TMEM272: variants seen among roughly 807,000 people sequenced by gnomAD.
TMEM272 encodes transmembrane protein 272, also known as long intergenic non-protein coding RNA 282.
In TMEM272, 8 loss-of-function variants were observed where a neutral mutation model predicts 3.7. The ratio of observed to expected loss-of-function variants is 2.17; its 90% CI spans 1.27 to 3.91. The LOEUF (loss-of-function observed/expected upper bound fraction) is 3.91, where lower values mean the gene tolerates loss of function less well. TMEM272 is among the 30% of genes most tolerant of loss of function. The probability of loss-of-function intolerance (pLI) is 0.00; values close to 1 mark genes in which losing one functional copy is unlikely to be tolerated. For synonymous variants in TMEM272, 63 were observed against 39.8 expected, an observed-to-expected ratio of 1.58 and a Z score of -2.20; for missense variants, 166 against 91.5, an observed-to-expected ratio of 1.81 and a Z score of -3.32.
chr13:51,830,414 C>T (rs560961719), intron 2 of TMEM272, among the ~76,000 whole-genome samples: 5 of 152,210 alleles, frequency 3.3e-5, no homozygotes, highest in East Asian at 1.9e-4. Flanking sequence ...CAGCCCACTC[C>T]GCTCCTCATT....
chr13:51,892,390 T>C, the TMEM272 span, among the ~76,000 whole-genome samples: 1 of 152,218 alleles, frequency 6.6e-6, no homozygotes, highest in East Asian at 1.9e-4. Flanking sequence ...CAGACTTGTG[T>C]GGCAGAAAAA....
chr13:51,927,104 T>C, the TMEM272 span, among the ~76,000 whole-genome samples: 2 of 152,122 alleles, frequency 1.3e-5, no homozygotes. Context: ...CCAGAAGTAA[T>C]ACATGTTAAC....
the TMEM272 span, among the ~76,000 whole-genome samples, chr13:51,901,683 CT>C: frequency 6.6e-6 from 1 of 152,142 alleles, no homozygotes; most frequent in South Asian, 2.1e-4. Flanking sequence ...TTACAAAGCT[CT>C]GTGACAGTGG....
At chr13:51,910,102 G>A in the TMEM272 span, 2 of 1,074,322 alleles carry the variant, frequency 1.9e-6, no homozygotes, top group Non-Finnish European at 1.4e-6. Context: ...TCTAGAGACT[G>A]TATCTTTTTG....
chr13:51,828,381 C>T (rs1488930138), intron 2 of TMEM272, among the ~76,000 whole-genome samples: 1 of 152,172 alleles, frequency 6.6e-6, no homozygotes, highest in Non-Finnish European at 1.5e-5. Flanking sequence ...CCACCAAACG[C>T]CAGCTCTGAT....
chr13:51,867,912 G>C, the TMEM272 span, among the ~76,000 whole-genome samples: 1 of 152,228 alleles, frequency 6.6e-6, no homozygotes, highest in South Asian at 2.1e-4. Flanking sequence ...GCAGAGAAAA[G>C]CTGCAGATTC....
chr13:51,884,876 T>G, the TMEM272 span, among the ~76,000 whole-genome samples: 1 of 152,188 alleles, frequency 6.6e-6, no homozygotes, highest in Non-Finnish European at 1.5e-5. Flanking sequence ...ATGATTAAAC[T>G]CTCCAAGTCT....
At chr13:51,909,263 A>T in the TMEM272 span, 1 of 1,068,418 alleles carries the variant, frequency 9.4e-7, no homozygotes. Flanking sequence ...CTTTTTTCTC[A>T]TGGTATATAA....
the TMEM272 span, among the ~76,000 whole-genome samples, chr13:51,865,086 C>T: frequency 6.6e-6 from 1 of 152,232 alleles, no homozygotes; most frequent in Non-Finnish European, 1.5e-5. Flanking sequence ...CCCTAGTTGA[C>T]AGCCACTGTC....
the TMEM272 span, among the ~76,000 whole-genome samples, chr13:51,858,075 C>T: frequency 3.3e-5 from 5 of 152,112 alleles, no homozygotes; most frequent in Admixed American, 6.5e-5. Context: ...GTAAAATATG[C>T]ATGTATCTAA....
rs143378187 is a variant in TMEM272, at chr13:51,844,052, T to TC, written c.-24+963dup. Reference sequence around the variant, plus strand: ...AAACATCCTCCAAGGAGCAGGGCAGTCCCCAACAACACTTATCTGCTCCAA... The same window carrying TC: ...AAACATCCTCCAAGGAGCAGGGCAGTCCCCCAACAACACTTATCTGCTCCAA... On this transcript the variant is annotated intron_variant, in intron 1 of 4. Coordinates refer to ENST00000629372, the MANE Select transcript of TMEM272 (RefSeq NM_001351003.2). Among the ~76,000 whole-genome samples the TC allele has an allele frequency of 7.1e-3, 1,074 of 152,244 alleles. 20 individuals are homozygous for TC. The highest frequency in any genetic ancestry group is 0.024 in the African/African-American group (1,011 of 41,544).
the TMEM272 span, among the ~76,000 whole-genome samples, chr13:51,924,632 C>T: frequency 6.6e-6 from 1 of 152,152 alleles, no homozygotes; most frequent in Non-Finnish European, 1.5e-5. Flanking sequence ...GAAGAGAGCA[C>T]TGCTGGCTGT....
At chr13:51,856,092 G>A in the TMEM272 span, among the ~76,000 whole-genome samples, 10 of 152,224 alleles carry the variant, frequency 6.6e-5, no homozygotes, top group Admixed American at 5.9e-4. Flanking sequence ...TTGGTGGGCA[G>A]GGGACTTCTG....
At chr13:51,864,650 CCTTGAACACA>C in the TMEM272 span, among the ~76,000 whole-genome samples, 5 of 152,196 alleles carry the variant, frequency 3.3e-5, no homozygotes, top group African/African-American at 1.2e-4. Flanking sequence ...GAACAAAGCT[CCTTGAACACA>C]CTTGTACATG....
chr13:51,860,469 T>A, the TMEM272 span, among the ~76,000 whole-genome samples: 1 of 151,574 alleles, frequency 6.6e-6, no homozygotes, highest in Non-Finnish European at 1.5e-5. Flanking sequence ...AGAAACCTTA[T>A]CTCTAAAAAA....
the TMEM272 span, among the ~76,000 whole-genome samples, chr13:51,898,204 G>T: frequency 6.8e-6 from 1 of 146,314 alleles, no homozygotes; most frequent in Non-Finnish European, 1.5e-5. Context: ...GTAACAGAGC[G>T]AGACTCCATC....
chr13:51,869,965 A>C, the TMEM272 span, among the ~76,000 whole-genome samples: 1 of 152,226 alleles, frequency 6.6e-6, no homozygotes, highest in East Asian at 1.9e-4. Flanking sequence ...GGGACGGAGA[A>C]GCAGGATAGT....
At chr13:51,866,264 C>G in the TMEM272 span, 2 of 578,550 alleles carry the variant, frequency 3.5e-6, no homozygotes, top group Non-Finnish European at 6.0e-6. Context: ...GCATTTTTTC[C>G]AGGTTTTGTG....
the TMEM272 span, among the ~76,000 whole-genome samples, chr13:51,869,552 C>T: frequency 3.8e-4 from 58 of 151,210 alleles, 2 homozygotes; most frequent in South Asian, 4.2e-3. Context: ...TGCAGTGGCA[C>T]GATCTCGGCT....
Sources: gnomAD v4.1 joint callset for allele counts (sites outside exome capture counted in the v4.1 genomes callset) on GRCh38, gnomAD v4.1.1 for gene constraint, MANE v1.5 for transcripts, NCBI Gene and HGNC (gene_info 2026-07-23, HGNC 2026-07-21) for gene names.